Variants in SLC41A3 observed in about 807,000 individuals in gnomAD.
SLC41A3 encodes the protein SLC41A1-like 2.
SLC41A3 carries 44 observed loss-of-function variants against 45.4 expected under a neutral mutation model. The observed-to-expected ratio is 0.97, with a 90% CI of 0.76 to 1.25. The LOEUF (loss-of-function observed/expected upper bound fraction) is 1.25. Ranked by LOEUF, SLC41A3 falls within the 50% of genes most tolerant of loss-of-function variation. SLC41A3 has a pLI of 0.00. For synonymous variants in SLC41A3, 256 were observed against 252.4 expected, an observed-to-expected ratio of 1.01 and a Z score of -0.13; for missense variants, 550 against 600.6, an observed-to-expected ratio of 0.92 and a Z score of 0.88.
intron 1 of SLC41A3, among the ~76,000 whole-genome samples, chr3:126,101,107 A>C (rs1945699639): frequency 6.6e-6 from 1 of 152,200 alleles, no homozygotes; most frequent in African/African-American, 2.4e-5. Context: ...CCCCGGGTCC[A>C]AGTGCTGCCC....
At chr3:126,080,626 A>G (rs1945103062) in intron 1 of SLC41A3, among the ~76,000 whole-genome samples, 1 of 152,224 alleles carries the variant, frequency 6.6e-6, no homozygotes. Flanking sequence ...TAGTTCAGCC[A>G]CTATGGAGAA....
intron 2 of SLC41A3, among the ~76,000 whole-genome samples, chr3:126,053,971 T>C (rs555352879): frequency 8.5e-5 from 13 of 152,302 alleles, no homozygotes; most frequent in East Asian, 7.7e-4. Context: ...ATATCAGTCA[T>C]TGGGGAGGCT....
chr3:126,086,920 T>A (rs1945406358), upstream of SLC41A3, among the ~76,000 whole-genome samples: 1 of 152,174 alleles, frequency 6.6e-6, no homozygotes, highest in Non-Finnish European at 1.5e-5. Flanking sequence ...ACTTAAATAC[T>A]TGATCAAAAA....
intron 1 of SLC41A3, among the ~76,000 whole-genome samples, chr3:126,093,933 C>T (rs376541847): frequency 5.3e-5 from 8 of 152,158 alleles, no homozygotes; most frequent in Admixed American, 2.6e-4. Context: ...CAGCACTGGC[C>T]GTCTGCGTGG....
chr3:126,013,095 G>A (rs1939887368), intron 8 of SLC41A3, among the ~76,000 whole-genome samples: 1 of 152,170 alleles, frequency 6.6e-6, no homozygotes, highest in South Asian at 2.1e-4. Context: ...GGGGAGAGTG[G>A]ATAGAAAGGT....
chr3:126,029,369 C>CG (rs1941623095), intron 4 of SLC41A3, among the ~76,000 whole-genome samples: 2 of 151,006 alleles, frequency 1.3e-5, no homozygotes, highest in Non-Finnish European at 3.0e-5. Flanking sequence ...GTGGCACTCC[C>CG]TCCCCCACCA....
intron 3 of SLC41A3, among the ~76,000 whole-genome samples, chr3:126,037,709 C>T (rs1038707896): frequency 6.6e-6 from 1 of 152,152 alleles, no homozygotes; most frequent in Non-Finnish European, 1.5e-5. Context: ...GCAGAGCATA[C>T]ATTTTTGAAA....
intron 2 of SLC41A3, among the ~76,000 whole-genome samples, chr3:126,058,978 C>T (rs1443850332): frequency 6.6e-6 from 1 of 151,974 alleles, no homozygotes; most frequent in Non-Finnish European, 1.5e-5. Context: ...TCCCAACGTA[C>T]TCTCTGAACC....
chr3:126,013,244 G>A (rs1485564431), intron 8 of SLC41A3, among the ~76,000 whole-genome samples: 1 of 151,874 alleles, frequency 6.6e-6, no homozygotes, highest in Admixed American at 6.6e-5. Context: ...GAAGGAGAGA[G>A]GAGGAATGAA....
chr3:126,011,027 A>C (rs1939648608), intron 9 of SLC41A3, among the ~76,000 whole-genome samples: 1 of 152,206 alleles, frequency 6.6e-6, no homozygotes, highest in Admixed American at 6.5e-5. Flanking sequence ...AAAATCACTC[A>C]TCTTACCAAG....
At chr3:126,089,229 T>C (rs1010578618), upstream of SLC41A3, among the ~76,000 whole-genome samples, 3 of 152,130 alleles carry the variant, frequency 2.0e-5, no homozygotes, top group Admixed American at 2.0e-4. Context: ...AGAAGCCTTA[T>C]CAAATTTGCT....
intron 5 of SLC41A3, chr3:126,025,753 C>T (rs1941286016): frequency 6.5e-6 from 1 of 152,984 alleles, no homozygotes; most frequent in South Asian, 2.1e-4. Flanking sequence ...CGCAGACGCC[C>T]AACCTCGGGC....
intron 4 of SLC41A3, among the ~76,000 whole-genome samples, chr3:126,030,940 C>T (rs1366445963): frequency 6.6e-6 from 1 of 152,180 alleles, no homozygotes; most frequent in Non-Finnish European, 1.5e-5. Context: ...TCTGATTCAG[C>T]ATTTTCTCAA....
chr3:126,022,981 G>A (rs371500546), intron 5 of SLC41A3, 49 bp from the exon 6 acceptor site: 12 of 1,609,940 alleles, frequency 7.5e-6, no homozygotes, highest in Non-Finnish European at 1.0e-5. Flanking sequence ...CAGGGAGCCA[G>A]ATGGCTCTGA....
intron 3 of SLC41A3, among the ~76,000 whole-genome samples, chr3:126,047,271 G>A (rs960046259): frequency 2.0e-5 from 3 of 152,130 alleles, no homozygotes; most frequent in South Asian, 2.1e-4. Flanking sequence ...GCTGAGGTGC[G>A]AAGATCACTT....
At chr3:126,028,545 G>A (rs1941550454) in intron 4 of SLC41A3, among the ~76,000 whole-genome samples, 1 of 152,268 alleles carries the variant, frequency 6.6e-6, no homozygotes, top group Non-Finnish European at 1.5e-5. Context: ...CAGGGGCACA[G>A]CCCTCATGGA....
At chr3:126,096,090 T>TA (rs1445243400) in intron 1 of SLC41A3, among the ~76,000 whole-genome samples, 10 of 152,262 alleles carry the variant, frequency 6.6e-5, no homozygotes, top group South Asian at 2.1e-4. Flanking sequence ...ATTGCAAAAT[T>TA]AAAAAAACAA....
At chr3:126,007,662 A>G (rs1939239546) in intron 10 of SLC41A3, among the ~76,000 whole-genome samples, 1 of 152,142 alleles carries the variant, frequency 6.6e-6, no homozygotes, top group Non-Finnish European at 1.5e-5. Flanking sequence ...TGGCTCCTCA[A>G]TCCCTTGTCC....
At position 126,068,229 on chromosome 3, in the gene SLC41A3, G is replaced by C; in HGVS notation, c.-10C>G. 4.0e-6 allele frequency: 6 copies of C among 1,506,890 alleles called. No individual in the cohort carries two copies. Among genetic ancestry groups the C allele is most frequent in the Non-Finnish European group, 4.4e-6 (5 of 1,129,094 alleles). 93.3% of individuals were successfully genotyped at this position (1,506,890 alleles called of 1,614,324 possible). A position where few individuals can be genotyped will look rare whatever the true frequency, so the allele number is the denominator to read the frequency against. Reference sequence around the variant, plus strand: ...TCTCTGTCCCATCCATCTGGGCACAGCTGGGCGCCTGGCAGCCCTACAGTG... The same window carrying C: ...TCTCTGTCCCATCCATCTGGGCACACCTGGGCGCCTGGCAGCCCTACAGTG... On this transcript the variant is annotated 5_prime_UTR_variant, in exon 2 of 11. Transcript: ENST00000360370.
Sources: gnomAD v4.1 joint callset for allele counts (sites outside exome capture counted in the v4.1 genomes callset) on GRCh38, gnomAD v4.1.1 for gene constraint, MANE v1.5 for transcripts, NCBI Gene and HGNC (gene_info 2026-07-23, HGNC 2026-07-21) for gene names.